The following CLVS1 variants were observed in gnomAD, a reference collection of about 807,000 sequenced individuals.
CLVS1 encodes clavesin 1, also known as clavesin-1.
Under a neutral mutation model 33.1 loss-of-function variants are expected in CLVS1, and 10 were observed. The ratio of observed to expected loss-of-function variants is 0.30; its 90% CI spans 0.19 to 0.51. The LOEUF (loss-of-function observed/expected upper bound fraction) is 0.51, where lower values mean the gene tolerates loss of function less well. Ranked by LOEUF, CLVS1 falls within the 20% of genes least tolerant of loss-of-function variation. The pLI, the probability that CLVS1 is intolerant of heterozygous loss-of-function variation, is 0.97. For synonymous variants in CLVS1, 163 were observed against 166.1 expected, an observed-to-expected ratio of 0.98 and a Z score of 0.14; for missense variants, 343 against 433.4, an observed-to-expected ratio of 0.79 and a Z score of 1.85.
chr8:61,208,955 G>A (rs1585690014), intron 2 of CLVS1, among the ~76,000 whole-genome samples: 1 of 151,822 alleles, frequency 6.6e-6, no homozygotes, highest in Non-Finnish European at 1.5e-5. Flanking sequence ...TGTGGGCAGG[G>A]GTATAATCCC....
chr8:61,467,435 A>G (rs1817586322), intron 5 of CLVS1, among the ~76,000 whole-genome samples: 1 of 152,194 alleles, frequency 6.6e-6, no homozygotes, highest in Non-Finnish European at 1.5e-5. Context: ...GCAAAAATAA[A>G]AGGGGGGACT....
chr8:60,966,844 A>G, the CLVS1 span, among the ~76,000 whole-genome samples: 1 of 152,210 alleles, frequency 6.6e-6, no homozygotes, highest in Non-Finnish European at 1.5e-5. Flanking sequence ...CAAATTTCTT[A>G]TACATGACAT....
chr8:61,033,035 A>C, the CLVS1 span, among the ~76,000 whole-genome samples: 1 of 118,830 alleles, frequency 8.4e-6, no homozygotes, highest in Non-Finnish European at 1.8e-5. Flanking sequence ...GAAAGAAAGA[A>C]AGAAAGAAAG....
chr8:61,013,146 GT>G, the CLVS1 span, among the ~76,000 whole-genome samples: 1 of 152,210 alleles, frequency 6.6e-6, no homozygotes, highest in South Asian at 2.1e-4. Context: ...CAAGTGGGCT[GT>G]TTTCCTGCCT....
At chr8:61,440,045 C>T in intron 3 of CLVS1, among the ~76,000 whole-genome samples, 1 of 152,208 alleles carries the variant, frequency 6.6e-6, no homozygotes, top group Non-Finnish European at 1.5e-5. Flanking sequence ...TAAGGAACTA[C>T]CATAAATAAC....
chr8:61,229,938 T>C (rs1808398093), intron 2 of CLVS1, among the ~76,000 whole-genome samples: 1 of 152,168 alleles, frequency 6.6e-6, no homozygotes, highest in Non-Finnish European at 1.5e-5. Context: ...GCCAGGCACA[T>C]TTCTAACAGC....
At chr8:61,182,023 C>G (rs1807248737) in intron 2 of CLVS1, among the ~76,000 whole-genome samples, 1 of 152,070 alleles carries the variant, frequency 6.6e-6, no homozygotes, top group Non-Finnish European at 1.5e-5. Context: ...CTTTGACAAA[C>G]CTGACAAAAA....
intron 3 of CLVS1, among the ~76,000 whole-genome samples, chr8:61,417,994 T>C (rs950512620): frequency 7.9e-5 from 12 of 152,188 alleles, no homozygotes; most frequent in African/African-American, 2.9e-4. Context: ...TAAATCCTAA[T>C]AAGTTGCAAT....
chr8:61,286,151 G>A (rs1809775575), upstream of CLVS1, among the ~76,000 whole-genome samples: 1 of 152,004 alleles, frequency 6.6e-6, no homozygotes, highest in Non-Finnish European at 1.5e-5. Context: ...CAGTGGGAAT[G>A]GAAATTTGAA....
intron 2 of CLVS1, among the ~76,000 whole-genome samples, chr8:61,314,042 A>G (rs958336205): frequency 6.6e-6 from 1 of 152,140 alleles, no homozygotes; most frequent in Non-Finnish European, 1.5e-5. Flanking sequence ...TCAACTCACA[A>G]ATTTTATATT....
chr8:61,329,290 T>G (rs1438742434), intron 2 of CLVS1, among the ~76,000 whole-genome samples: 1 of 152,080 alleles, frequency 6.6e-6, no homozygotes, highest in Non-Finnish European at 1.5e-5. Context: ...AGCATTTACT[T>G]GCATATTTTG....
intron 2 of CLVS1, among the ~76,000 whole-genome samples, chr8:61,227,308 T>A (rs1006670180): frequency 1.5e-4 from 22 of 151,664 alleles, no homozygotes; most frequent in Non-Finnish European, 2.2e-4. Flanking sequence ...TTTTTTTTTT[T>A]AATATGTTGA....
intron 1 of CLVS1, among the ~76,000 whole-genome samples, chr8:61,108,217 C>CA (rs577723258): frequency 0.19 from 13,002 of 68,532 alleles, 1,335 homozygotes; most frequent in African/African-American, 0.39. Flanking sequence ...GACTCCGTCT[C>CA]AAAAAAAAAA....
intron 2 of CLVS1, chr8:61,202,607 C>G (rs959813040): frequency 7.1e-7 from 1 of 1,413,416 alleles, no homozygotes; most frequent in Non-Finnish European, 9.9e-7. Flanking sequence ...GTACAGCCAA[C>G]GGTTTCCCTT....
chr8:61,022,289 G>A, the CLVS1 span, among the ~76,000 whole-genome samples: 1 of 152,220 alleles, frequency 6.6e-6, no homozygotes, highest in Non-Finnish European at 1.5e-5. Context: ...CTTTTCAGAA[G>A]TCTGATTCCA....
At chr8:61,215,022 C>A (rs1455148447) in intron 2 of CLVS1, among the ~76,000 whole-genome samples, 1 of 152,144 alleles carries the variant, frequency 6.6e-6, no homozygotes, top group Non-Finnish European at 1.5e-5. Context: ...TATTGTGTAA[C>A]ATAAAGTAAG....
intron 5 of CLVS1, among the ~76,000 whole-genome samples, chr8:61,485,952 TG>T (rs1304719655): frequency 1.3e-5 from 2 of 150,732 alleles, no homozygotes; most frequent in Non-Finnish European, 3.0e-5. Flanking sequence ...TTTCGTGGGG[TG>T]GGGGCAGTGG....
intron 3 of CLVS1, among the ~76,000 whole-genome samples, chr8:61,405,670 C>A (rs1814957382): frequency 6.7e-6 from 1 of 148,666 alleles, no homozygotes; most frequent in Admixed American, 6.7e-5. Flanking sequence ...CTGTGTTTTA[C>A]TAATTTATCA....
intron 3 of CLVS1, among the ~76,000 whole-genome samples, chr8:61,426,711 T>G (rs573038424): frequency 6.6e-6 from 1 of 152,140 alleles, no homozygotes; most frequent in Non-Finnish European, 1.5e-5. Context: ...CTGTGCTAGG[T>G]GTTTGAAGAC....
Sources: allele counts gnomAD v4.1 joint callset (sites outside exome capture counted in the v4.1 genomes callset), GRCh38; gene constraint gnomAD v4.1.1; transcripts MANE v1.5; gene names NCBI Gene and HGNC (gene_info 2026-07-23, HGNC 2026-07-21).